AP3D1: variants seen among roughly 807,000 people sequenced by gnomAD.
The protein encoded by AP3D1 is AP-3 complex subunit delta-1.
AP3D1 carries 51 observed loss-of-function variants against 147.6 expected under a neutral mutation model. That is an observed-to-expected ratio of 0.35 (90% CI 0.28 to 0.44). The LOEUF is 0.44. AP3D1 is among the 20% of genes least tolerant of loss of function. The probability of loss-of-function intolerance (pLI) is 1.00; values close to 1 mark genes in which losing one functional copy is unlikely to be tolerated. For missense variants in AP3D1, 1,421 were observed against 1,624.2 expected (o/e 0.87, Z 2.15); for synonymous variants, 760 against 663.0 (o/e 1.15, Z -2.25).
chr19:2,127,162 G>A lies in AP3D1; in HGVS notation c.846C>T (p.Thr282=), dbSNP rs1441562612. 8.1e-6 allele frequency: 13 copies of A among 1,613,990 alleles called. No homozygotes were observed. The highest frequency in any genetic ancestry group is 1.1e-5 in the Non-Finnish European group (13 of 1,179,982). ...AMSLLYECVN[T]VIAVLISLSS... The stretch of plus-strand genomic sequence containing the variant: ...AGTGCCAGTTCTCACCTGCAATCAC[G>A]GTGTTCACACATTCATAGAGGAGAG... The change falls in exon 9 of 32, where the codon ACC becomes ACT. Residue 282 remains threonine, a synonymous_variant. Transcript: ENST00000643116.
chr19:2,110,984 A>T, intron 26 of AP3D1, 88 bp from the exon 27 acceptor site: 1 of 1,419,604 alleles, frequency 7.0e-7, no homozygotes, highest in Non-Finnish European at 9.6e-7. Context: ...CCACAGAGGC[A>T]GCAGGGGTCC....
At chr19:2,110,003 CAGCTCAGGG>C in intron 28 of AP3D1, 45 bp from the exon 29 acceptor site, 1 of 1,605,886 alleles carries the variant, frequency 6.2e-7, no homozygotes, top group Non-Finnish European at 8.5e-7. Flanking sequence ...GAGTCGGGCC[CAGCTCAGGG>C]CTCAGGGTTC....
Position 2,132,464 on chromosome 19 carries a change from A to C in AP3D1, c.462+7T>G, listed in dbSNP as rs2018976518. The C allele has an allele frequency of 6.9e-6, 11 of 1,595,726 alleles. No homozygotes were observed. The East Asian group carries it at 2.5e-4, about 36-fold the overall frequency. ...TGCAGGGGTGGTGGGCAGGCTTACA[A>C]ACTCACCAGTGTCATGATGTCATTT... On this transcript the variant is annotated splice_region_variant and intron_variant, in intron 5 of 31. Transcript: ENST00000643116.
At chr19:2,128,476 G>A (rs1247388874) in intron 8 of AP3D1, among the ~76,000 whole-genome samples, 1 of 88,220 alleles carries the variant, frequency 1.1e-5, no homozygotes, top group Middle Eastern at 6.2e-3. Context: ...CGCCCCCGCC[G>A]CTCCGACACT....
intron 25 of AP3D1, 84 bp downstream of exon 25, chr19:2,111,595 C>T (rs1164803674): frequency 2.1e-5 from 31 of 1,465,028 alleles, no homozygotes; most frequent in East Asian, 1.7e-4. Context: ...AGTTCTCTCC[C>T]GCATGGAGGC....
At chr19:2,160,146 G>A (rs2019684357) in intron 1 of AP3D1, among the ~76,000 whole-genome samples, 1 of 152,078 alleles carries the variant, frequency 6.6e-6, no homozygotes, top group Non-Finnish European at 1.5e-5. Context: ...ACCGTGCCCA[G>A]CCTTCTAATT....
At position 2,151,538 on chromosome 19, in the gene AP3D1, C is replaced by G. The variant is rs921656433; in HGVS notation, c.-204G>C. The G allele has an allele frequency of 6.1e-6, 1 of 164,524 alleles. No individual in the cohort carries two copies. The highest frequency in any genetic ancestry group is 2.4e-5 in the African/African-American group (1 of 41,642). 10.2% of individuals were successfully genotyped at this position (164,524 alleles called of 1,614,324 possible). On this transcript the variant is annotated 5_prime_UTR_variant, in exon 1 of 32. Transcript: ENST00000643116. The stretch of plus-strand genomic sequence containing the variant: ...CAGGTGCCGCGATCCCGCTCCGGGC[C>G]CCTTGCAAATGGCGGACAAGATGGC...
At position 2,110,222 on chromosome 19, in the gene AP3D1, C is replaced by T. The variant is rs770751125; in HGVS notation, c.3178G>A (p.Val1060Ile). 7.4e-6 allele frequency: 12 copies of T among 1,611,438 alleles called. No individual in the cohort carries two copies. The highest frequency in any genetic ancestry group is 4.4e-5 in the South Asian group (4 of 90,998). Residue 1060 changes from valine (V) to isoleucine (I), a missense_variant and splice_region_variant, in exon 28 of 32, where the codon GTC becomes ATC. Val to Ile is a conservative substitution (Grantham distance 29, BLOSUM62 3). Transcript: ENST00000643116. ...VPVPFQLPPG[V>I]SNEAQYVFTI... Reference sequence around the variant, plus strand: ...AACACATACTGGGCTTCGTTGGAGACGCCTGGCGGGGGCGAGAGGGAGTGG... The same window carrying T: ...AACACATACTGGGCTTCGTTGGAGATGCCTGGCGGGGGCGAGAGGGAGTGG...
intron 1 of AP3D1, among the ~76,000 whole-genome samples, chr19:2,147,416 C>CT (rs11285731): frequency 0.065 from 7,962 of 122,652 alleles, 452 homozygotes; most frequent in East Asian, 0.15. Context: ...CTTTTCCTTT[C>CT]TTTTTTTTTT....
chr19:2,114,104 C>T (rs1318749623), intron 22 of AP3D1, 21 bp downstream of exon 22: 14 of 1,547,382 alleles, frequency 9.0e-6, no homozygotes, highest in South Asian at 4.8e-5. Context: ...AGAAGGCCGC[C>T]GCCCTGGGCA....
chr19:2,133,392 C>T (rs2018998920), intron 4 of AP3D1: 1 of 152,236 alleles, frequency 6.6e-6, no homozygotes, highest in South Asian at 2.1e-4. Flanking sequence ...CTTGATATCA[C>T]AAACCTGCTC....
At chr19:2,135,264 A>G (rs2019047196) in intron 4 of AP3D1, among the ~76,000 whole-genome samples, 2 of 152,012 alleles carry the variant, frequency 1.3e-5, no homozygotes, top group Admixed American at 1.3e-4. Flanking sequence ...GGCCAGGCAC[A>G]GTGGCTCATG....
At chr19:2,155,321 A>T (rs1181915910), upstream of AP3D1, among the ~76,000 whole-genome samples, 2 of 151,660 alleles carry the variant, frequency 1.3e-5, no homozygotes, top group Non-Finnish European at 2.9e-5. Context: ...AGATTGCGCC[A>T]CTGCACTCCA....
At chr19:2,121,358 G>A (rs2018606824) in intron 12 of AP3D1, 47 bp from the exon 13 acceptor site, 1 of 1,601,172 alleles carries the variant, frequency 6.2e-7, no homozygotes, top group Admixed American at 1.7e-5. Context: ...CCAGCCTGGG[G>A]CCTGCTTGGT....
At chr19:2,137,697 C>T (rs2019113951) in intron 3 of AP3D1, 30 bp downstream of exon 3, 2 of 1,584,972 alleles carry the variant, frequency 1.3e-6, no homozygotes, top group Non-Finnish European at 8.6e-7. Context: ...CACTCCCCAC[C>T]CCACCAGCCT....
chr19:2,110,268 C>T, intron 27 of AP3D1, 44 bp from the exon 28 acceptor site: 2 of 1,554,808 alleles, frequency 1.3e-6, no homozygotes, highest in South Asian at 1.1e-5. Flanking sequence ...GCTGCGGGGG[C>T]TCAGCATGGG....
At chr19:2,117,154 T>A in intron 16 of AP3D1, 68 bp downstream of exon 16, 1 of 1,510,128 alleles carries the variant, frequency 6.6e-7, no homozygotes, top group Middle Eastern at 1.8e-4. Flanking sequence ...GAGCCCCCGC[T>A]GTGCCACCAG....
At chr19:2,126,961 G>A (rs946358503) in intron 9 of AP3D1, among the ~76,000 whole-genome samples, 191 bp downstream of exon 9, 2 of 152,156 alleles carry the variant, frequency 1.3e-5, no homozygotes, top group South Asian at 2.1e-4. Context: ...CCAGGCAGAC[G>A]CATGGCCACC....
At chr19:2,112,682 G>A (rs944639736) in intron 24 of AP3D1, 178 bp downstream of exon 24, 14 of 560,286 alleles carry the variant, frequency 2.5e-5, no homozygotes, top group Non-Finnish European at 4.4e-5. Flanking sequence ...GTGTGAATAA[G>A]AAGGTTATTA....
Sources: allele counts gnomAD v4.1 joint callset (sites outside exome capture counted in the v4.1 genomes callset), GRCh38; gene constraint gnomAD v4.1.1; transcripts MANE v1.5; gene names NCBI Gene and HGNC (gene_info 2026-07-23, HGNC 2026-07-21).